The following HELZ variants were observed in gnomAD, a reference collection of about 807,000 sequenced individuals.
The protein encoded by HELZ is ATP-dependent RNA helicase with zinc finger domain.
In HELZ, 23 loss-of-function variants were observed where a neutral mutation model predicts 218.2. The ratio of observed to expected loss-of-function variants is 0.11; its 90% CI spans 0.08 to 0.15. HELZ has a LOEUF of 0.15. HELZ is among the 10% of genes least tolerant of loss of function. The probability of loss-of-function intolerance (pLI) is 1.00; values close to 1 mark genes in which losing one functional copy is unlikely to be tolerated. For missense variants in HELZ, 1,813 were observed against 2,353.7 expected (o/e 0.77, Z 4.75); for synonymous variants, 814 against 829.4 (o/e 0.98, Z 0.32).
At chr17:67,081,917 CCAAGAGCAGAGTGAT>C (rs2036206564) in intron 32 of HELZ, among the ~76,000 whole-genome samples, 3 of 29,680 alleles carry the variant, frequency 1.0e-4, no homozygotes, top group African/African-American at 2.9e-4. Flanking sequence ...GATCAGAAGA[CCAAGAGCAGAGTGAT>C]CAGAAGACCA....
chr17:67,208,132 A>C (rs1288532648), intron 5 of HELZ, among the ~76,000 whole-genome samples: 1 of 152,218 alleles, frequency 6.6e-6, no homozygotes, highest in Admixed American at 6.5e-5. Context: ...TAGGGAGATG[A>C]AGAACAGATT....
chr17:67,171,822 CTTT>C (rs535013529), intron 13 of HELZ, among the ~76,000 whole-genome samples: 57 of 149,850 alleles, frequency 3.8e-4, no homozygotes, highest in South Asian at 1.3e-3. Flanking sequence ...TGTCCTCCTT[CTTT>C]TGTTTTGTTT....
At chr17:67,123,696 T>A (rs1229667232) in intron 25 of HELZ, among the ~76,000 whole-genome samples, 1 of 152,186 alleles carries the variant, frequency 6.6e-6, no homozygotes, top group East Asian at 1.9e-4. Flanking sequence ...ATGTTTTTCC[T>A]CAAAACCTCT....
At chr17:67,134,465 G>T (rs1398426393) in intron 23 of HELZ, among the ~76,000 whole-genome samples, 1 of 151,774 alleles carries the variant, frequency 6.6e-6, no homozygotes, top group Non-Finnish European at 1.5e-5. Context: ...TTTAAAGTAT[G>T]AAATTAAAGA....
chr17:67,216,246 CA>C (rs1405988249), intron 4 of HELZ, among the ~76,000 whole-genome samples: 1 of 152,158 alleles, frequency 6.6e-6, no homozygotes, highest in Non-Finnish European at 1.5e-5. Flanking sequence ...AGAGAATTTT[CA>C]TAGACTGTCA....
chr17:67,161,863 G>A (rs951473546), intron 15 of HELZ, among the ~76,000 whole-genome samples: 1 of 152,074 alleles, frequency 6.6e-6, no homozygotes, highest in Admixed American at 6.6e-5. Flanking sequence ...ACTGAGTGGA[G>A]AATCAACAGC....
rs2036049511 is a variant in HELZ at position 67,077,521 on chromosome 17, A to C, written c.*731T>G. 1 of 152,454 alleles carries C rather than the reference A, an allele frequency of 6.6e-6. No homozygotes were observed. The highest frequency in any genetic ancestry group is 2.1e-4 in the South Asian group (1 of 4,828). The allele number at this position is 152,454 out of a possible 1,614,324, so 9.4% of individuals were successfully genotyped here. ...AAACACACACTATCAAATTAACATT[A>C]AAAACAAGCTTGAAGTGTAGCTTGT... On this transcript the variant is annotated 3_prime_UTR_variant, in exon 33 of 33. Transcript: ENST00000358691.
chr17:67,124,864 T>A (rs1188935387), intron 24 of HELZ, among the ~76,000 whole-genome samples: 1 of 152,096 alleles, frequency 6.6e-6, no homozygotes, highest in Non-Finnish European at 1.5e-5. Context: ...GGTTCTGAAT[T>A]TCTGGATTAA....
At chr17:67,174,243 CCAAAA>C (rs900154093) in intron 13 of HELZ, among the ~76,000 whole-genome samples, 3 of 149,584 alleles carry the variant, frequency 2.0e-5, no homozygotes, top group African/African-American at 7.4e-5. Flanking sequence ...CAGTCTCAAA[CCAAAA>C]TGTATTTTAT....
intron 21 of HELZ, among the ~76,000 whole-genome samples, chr17:67,140,804 C>T (rs2038299300): frequency 6.6e-6 from 1 of 151,946 alleles, no homozygotes; most frequent in African/African-American, 2.4e-5. Flanking sequence ...AAGTCAAAGA[C>T]AAAAATAAAA....
chr17:67,151,138 T>A lies in HELZ; in HGVS notation c.2264A>T (p.Gln755Leu). Residue 755 changes from glutamine to leucine, a missense_variant, in exon 18 of 33, where the codon CAG becomes CTG. Gln to Leu is a moderately radical substitution (Grantham distance 113). This residue lies in a region of HELZ where 714 missense variants were observed against 1,029.2 expected (regional missense o/e 0.69). Coordinates refer to ENST00000358691, the MANE Select transcript of HELZ (RefSeq NM_014877.4). Reference sequence around the variant, plus strand: ...AAGAATATCTTCTTTCTGGGGCATCTGAAAGGTGGAATGTGCGCTTGAGAT... The same window carrying A: ...AAGAATATCTTCTTTCTGGGGCATCAGAAAGGTGGAATGTGCGCTTGAGAT... ...CLISSAHSTF[Q>L]MPQKEDILKH... The A allele has an allele frequency of 6.2e-7, 1 of 1,613,774 alleles. No individual in the cohort carries two copies. The highest frequency in any genetic ancestry group is 8.5e-7 in the Non-Finnish European group (1 of 1,179,654).
At chr17:67,200,040 T>C (rs1178528205) in intron 7 of HELZ, among the ~76,000 whole-genome samples, 1 of 152,142 alleles carries the variant, frequency 6.6e-6, no homozygotes, top group African/African-American at 2.4e-5. Flanking sequence ...TCTATCTCCT[T>C]CCTAAAACTT....
intron 21 of HELZ, among the ~76,000 whole-genome samples, chr17:67,143,767 A>G: frequency 6.6e-6 from 1 of 152,202 alleles, no homozygotes; most frequent in East Asian, 1.9e-4. Flanking sequence ...TCCTTCTACA[A>G]TTTTAAGCAT....
intron 20 of HELZ, 122 bp from the exon 21 acceptor site, chr17:67,146,012 C>T: frequency 1.2e-6 from 1 of 826,754 alleles, no homozygotes; most frequent in East Asian, 2.7e-5. Flanking sequence ...TAATTTTACT[C>T]CAATCATCTA....
intron 22 of HELZ, 65 bp downstream of exon 22, chr17:67,137,866 T>C: frequency 1.7e-6 from 2 of 1,206,400 alleles, no homozygotes; most frequent in Middle Eastern, 2.0e-4. Flanking sequence ...GTACTAAAAA[T>C]CCAATGTGAA....
upstream of HELZ, chr17:67,245,425 T>TCCTGCCCCGGCCTC (rs1281413755): frequency 1.1e-6 from 1 of 934,892 alleles, no homozygotes; most frequent in Non-Finnish European, 1.3e-6. Context: ...TCTCCCTTTC[T>TCCTGCCCCGGCCTC]CCTGCCCCGG....
chr17:67,119,631 T>A (rs2037536438), intron 27 of HELZ, among the ~76,000 whole-genome samples: 1 of 152,322 alleles, frequency 6.6e-6, no homozygotes, highest in South Asian at 2.1e-4. Context: ...CATACCTCAA[T>A]AAACTTGAAT....
intron 17 of HELZ, among the ~76,000 whole-genome samples, chr17:67,158,240 G>C (rs1319723094): frequency 6.6e-6 from 1 of 152,088 alleles, no homozygotes; most frequent in Non-Finnish European, 1.5e-5. Context: ...CTCTTCATGA[G>C]CCTTGCTCCC....
chr17:67,163,782 C>T (rs1034030169), intron 15 of HELZ, among the ~76,000 whole-genome samples: 1 of 152,158 alleles, frequency 6.6e-6, no homozygotes, highest in Non-Finnish European at 1.5e-5. Context: ...AATCCTCCCA[C>T]CTCGGCCTCC....
Sources: allele counts gnomAD v4.1 joint callset (sites outside exome capture counted in the v4.1 genomes callset), GRCh38; gene constraint gnomAD v4.1.1; regional missense constraint gnomAD v4.1.1; transcripts MANE v1.5; gene names NCBI Gene and HGNC (gene_info 2026-07-23, HGNC 2026-07-21).